The following IQCM variants were observed in gnomAD, a reference collection of about 807,000 sequenced individuals.
The protein encoded by IQCM is IQ domain-containing protein M.
In IQCM, 45 loss-of-function variants were observed where a neutral mutation model predicts 57.6. That is an observed-to-expected ratio of 0.78 (90% confidence interval 0.62 to 1.00). The LOEUF (loss-of-function observed/expected upper bound fraction) is 1.00. Ranked by LOEUF, IQCM falls within the 50% of genes least tolerant of loss-of-function variation. The probability of loss-of-function intolerance (pLI) is 0.00; values close to 1 mark genes in which losing one functional copy is unlikely to be tolerated. For missense variants in IQCM, 468 were observed against 511.6 expected (o/e 0.91, Z 0.82); for synonymous variants, 148 against 158.9 (o/e 0.93, Z 0.51).
At chr4:149,669,781 G>C (rs1219562812) in intron 7 of IQCM, among the ~76,000 whole-genome samples, 9 of 152,066 alleles carry the variant, frequency 5.9e-5, no homozygotes, top group African/African-American at 2.2e-4. Flanking sequence ...AAGATCAGAC[G>C]GTTGTAGGTG....
At chr4:149,407,222 G>A (rs1288610889) in intron 13 of IQCM, among the ~76,000 whole-genome samples, 1 of 152,130 alleles carries the variant, frequency 6.6e-6, no homozygotes, top group African/African-American at 2.4e-5. Context: ...TTCAAGGTGG[G>A]ATTTGGGTCC....
chr4:149,442,945 CACACACACAGAGAGAGAGAG>C (rs1736101875), intron 12 of IQCM, among the ~76,000 whole-genome samples: 1 of 55,382 alleles, frequency 1.8e-5, no homozygotes, highest in Non-Finnish European at 3.2e-5. Flanking sequence ...CACACACACA[CACACACACAGAGAGAGAGAG>C]AGAGAGAGAG....
In IQCM at chr4:149,594,762, G is replaced by A. The variant is rs188165808; in HGVS notation, c.682-6765C>T. Among the ~76,000 whole-genome samples the A allele has an allele frequency of 4.1e-3, 622 of 152,234 alleles. 11 individuals are homozygous for A. Among genetic ancestry groups the A allele is most frequent in the Middle Eastern group, 0.014 (4 of 294 alleles). On this transcript the variant is annotated intron_variant, in intron 8 of 13. Coordinates refer to ENST00000636793, the MANE Select transcript of IQCM (RefSeq NM_001363507.2). The stretch of plus-strand genomic sequence containing the variant: ...TTGTTCAGTTGCCATGTAGTTGAGC[G>A]GTTTTGAGTGAGTTTCTTAATCCTG...
At chr4:149,697,546 C>CT (rs937320371) in intron 5 of IQCM, among the ~76,000 whole-genome samples, 4 of 151,968 alleles carry the variant, frequency 2.6e-5, no homozygotes, top group African/African-American at 9.7e-5. Context: ...ATAAATCAGG[C>CT]TTTTTTGCCC....
intron 13 of IQCM, among the ~76,000 whole-genome samples, chr4:149,419,019 T>C (rs1003312773): frequency 6.6e-6 from 1 of 152,162 alleles, no homozygotes; most frequent in Non-Finnish European, 1.5e-5. Context: ...AAACATTCCA[T>C]GCTCATGGAA....
intron 10 of IQCM, among the ~76,000 whole-genome samples, chr4:149,561,946 T>C (rs912648135): frequency 2.0e-5 from 3 of 151,866 alleles, no homozygotes; most frequent in Non-Finnish European, 4.4e-5. Context: ...GAAAGATGAA[T>C]TGGAGTTTAT....
chr4:149,772,201 A>G (rs963186616), intron 2 of IQCM, among the ~76,000 whole-genome samples: 1 of 148,482 alleles, frequency 6.7e-6, no homozygotes, highest in African/African-American at 2.6e-5. Flanking sequence ...TTATAATTCA[A>G]TGTAAACACA....
At chr4:149,660,749 G>A (rs1245311104) in intron 7 of IQCM, among the ~76,000 whole-genome samples, 3 of 151,776 alleles carry the variant, frequency 2.0e-5, no homozygotes, top group Non-Finnish European at 4.4e-5. Context: ...ACCAAACACC[G>A]CATGTTCTCA....
chr4:149,616,958 C>CTT (rs774160343), intron 8 of IQCM, among the ~76,000 whole-genome samples: 4 of 140,780 alleles, frequency 2.8e-5, no homozygotes, highest in Admixed American at 7.2e-5. Context: ...TATCCTGGAA[C>CTT]TTTTTTTTTT....
At chr4:149,408,415 C>A (rs963349045) in intron 13 of IQCM, among the ~76,000 whole-genome samples, 1 of 152,152 alleles carries the variant, frequency 6.6e-6, no homozygotes, top group African/African-American at 2.4e-5. Context: ...TGATATACTA[C>A]GCCATCTGAA....
At chr4:149,471,702 C>G (rs1195122498) in intron 12 of IQCM, among the ~76,000 whole-genome samples, 4 of 152,166 alleles carry the variant, frequency 2.6e-5, no homozygotes, top group Non-Finnish European at 4.4e-5. Flanking sequence ...CCCTGATGAA[C>G]ATCAATGCAA....
chr4:149,365,106 T>C (rs1729743911), intron 13 of IQCM, among the ~76,000 whole-genome samples: 1 of 152,152 alleles, frequency 6.6e-6, no homozygotes, highest in African/African-American at 2.4e-5. Context: ...AGTTTCTAAA[T>C]ACTATTTTCC....
intron 12 of IQCM, among the ~76,000 whole-genome samples, chr4:149,469,091 C>T (rs777984903): frequency 7.9e-5 from 12 of 152,174 alleles, no homozygotes; most frequent in Admixed American, 2.6e-4. Flanking sequence ...CACAGCTCCT[C>T]GCCAGCAATG....
intron 9 of IQCM, among the ~76,000 whole-genome samples, chr4:149,575,078 C>T (rs1368709239): frequency 3.9e-5 from 6 of 151,956 alleles, no homozygotes; most frequent in Non-Finnish European, 7.4e-5. Context: ...ACAATTTACT[C>T]TGATTTGGAT....
chr4:149,509,475 G>C (rs1468503736), intron 12 of IQCM, among the ~76,000 whole-genome samples: 2 of 151,580 alleles, frequency 1.3e-5, no homozygotes, highest in Non-Finnish European at 2.9e-5. Flanking sequence ...ATGGGGTCTT[G>C]CTATCTTGCC....
At chr4:149,713,616 C>CT (rs773346048) in intron 5 of IQCM, among the ~76,000 whole-genome samples, 2 of 152,244 alleles carry the variant, frequency 1.3e-5, no homozygotes, top group Non-Finnish European at 2.9e-5. Context: ...CTTTCAGCTG[C>CT]TTTTTTTGCT....
In IQCM at chr4:149,748,043, A is replaced by C. The variant is rs78648147; in HGVS notation, c.-48-5304T>G. ...TACCTCGTCTAGAAGCAAAAGATTT[A>C]AAATAGACCCATAATATTAAAAATA... On this transcript the variant is annotated intron_variant, in intron 2 of 13. Coordinates refer to ENST00000636793, the MANE Select transcript of IQCM (RefSeq NM_001363507.2). Among the ~76,000 whole-genome samples, 1,122 of 152,326 alleles carry C rather than the reference A, an allele frequency of 7.4e-3. 18 individuals carry two copies. Among genetic ancestry groups the C allele is most frequent in the African/African-American group, 0.026 (1,066 of 41,570 alleles).
At chr4:149,707,423 T>C (rs1258587969) in intron 5 of IQCM, among the ~76,000 whole-genome samples, 2 of 152,010 alleles carry the variant, frequency 1.3e-5, no homozygotes, top group Non-Finnish European at 2.9e-5. Flanking sequence ...CTATCCACCA[T>C]GGACCCGGAG....
chr4:149,491,037 A>T (rs1018716292), intron 12 of IQCM, among the ~76,000 whole-genome samples: 29 of 152,044 alleles, frequency 1.9e-4, no homozygotes, highest in Non-Finnish European at 8.8e-5. Flanking sequence ...TATTGTCTTC[A>T]AGTTTCTCTT....
Sources: allele counts gnomAD v4.1 joint callset (sites outside exome capture counted in the v4.1 genomes callset), GRCh38; gene constraint gnomAD v4.1.1; transcripts MANE v1.5; gene names NCBI Gene and HGNC (gene_info 2026-07-23, HGNC 2026-07-21).